ATP1A2: variants seen among roughly 807,000 people sequenced by gnomAD.
ATP1A2 encodes the protein ATPase Na+/K+ transporting subunit alpha 2.
Under a neutral mutation model 113.1 loss-of-function variants are expected in ATP1A2, and 56 were observed. The ratio of observed to expected loss-of-function variants is 0.49; its 90% CI spans 0.40 to 0.62. The LOEUF (loss-of-function observed/expected upper bound fraction) is 0.62, where lower values mean the gene tolerates loss of function less well. Among genes scored for constraint, ATP1A2 ranks in the 20% least tolerant of loss-of-function variants. ATP1A2 has a pLI of 0.00. For synonymous variants in ATP1A2, 490 were observed against 526.8 expected (o/e 0.93, Z 0.96); for missense variants, 712 against 1,357.8 (o/e 0.52, Z 7.47).
chr1:160,130,404 C>T lies in ATP1A2; in HGVS notation c.1652-18C>T. ...AGCCACTCTGCGGATCTCACTGATC[C>T]CTTCTGCCCCCCTTTAGGATTCTGT... On this transcript the variant is annotated intron_variant, in intron 12 of 22. Transcript: ENST00000361216. 1 of 1,614,214 alleles carries T rather than the reference C, an allele frequency of 6.2e-7. No homozygotes were observed. The highest frequency in any genetic ancestry group is 8.5e-7 in the Non-Finnish European group (1 of 1,180,034).
intron 1 of ATP1A2, 132 bp from the exon 2 acceptor site, chr1:160,120,774 C>T (rs1460597161): frequency 1.1e-6 from 1 of 891,038 alleles, no homozygotes; most frequent in Non-Finnish European, 1.8e-6. Flanking sequence ...CCTCCATCCC[C>T]CCTATCTCCC....
In ATP1A2 at chr1:160,130,500, C is replaced by T. The variant is rs747886840; in HGVS notation, c.1730C>T (p.Thr577Met). The T allele has an allele frequency of 2.0e-5, 33 of 1,614,250 alleles. No homozygotes were observed. Among genetic ancestry groups the T allele is most frequent in the Middle Eastern group, 3.3e-4 (2 of 6,062 alleles). Residue 577 changes from threonine to methionine, a missense_variant, in exon 13 of 23, where the codon ACG becomes ATG. Thr to Met is a moderately conservative substitution (Grantham distance 81). Coordinates refer to ENST00000361216, the MANE Select transcript of ATP1A2 (RefSeq NM_000702.4). ...KFDTDELNFP[T>M]EKLCFVGLMS... Reference sequence around the variant, plus strand: ...GACACGGATGAGCTGAACTTTCCCACGGAGAAGCTTTGCTTTGTGGGGCTC... The same window carrying T: ...GACACGGATGAGCTGAACTTTCCCATGGAGAAGCTTTGCTTTGTGGGGCTC...
Position 160,130,002 on chromosome 1 carries a change from G to T in ATP1A2, c.1462-100G>T, listed in dbSNP as rs1319266010. 5.6e-6 allele frequency: 8 copies of T among 1,432,006 alleles called. No homozygotes were observed. In the East Asian group the frequency reaches 1.8e-4, roughly 33 times the overall value. The allele number at this position is 1,432,006 out of a possible 1,614,324, so 88.7% of individuals were successfully genotyped here. A position where few individuals can be genotyped will look rare whatever the true frequency, so the allele number is the denominator to read the frequency against. The stretch of plus-strand genomic sequence containing the variant: ...CTTTGTTGACAATCTTTGATGGGTT[G>T]GGGCTACTTTTCTAAGGTGGTTTCC... On this transcript the variant is annotated intron_variant, in intron 11 of 22. Coordinates refer to ENST00000361216, the MANE Select transcript of ATP1A2 (RefSeq NM_000702.4).
Position 160,136,942 on chromosome 1 carries a change from G to T in ATP1A2, c.2751G>T (p.Thr917=). 1 of 1,614,136 alleles carries T rather than the reference G, an allele frequency of 6.2e-7. No individual in the cohort carries two copies. Among genetic ancestry groups the T allele is most frequent in the South Asian group, 1.1e-5 (1 of 91,076 alleles). ...AGGTGGTGGAGTTCACGTGCCACAC[G>T]GCATTCTTTGCCAGCATCGTGGTGG... The part of the protein sequence containing the change: ...QRKVVEFTCH[T]AFFASIVVVQ... The change falls in exon 20 of 23, where the codon ACG becomes ACT. Residue 917 remains threonine, a synonymous_variant. Coordinates refer to ENST00000361216, the MANE Select transcript of ATP1A2 (RefSeq NM_000702.4).
intron 1 of ATP1A2, among the ~76,000 whole-genome samples, chr1:160,118,539 C>A (rs180828480): frequency 1.3e-5 from 2 of 152,316 alleles, no homozygotes; most frequent in Admixed American, 1.3e-4. Flanking sequence ...ACTCACAAGC[C>A]TTTCCCCACC....
chr1:160,123,898 G>A (rs764809133), intron 4 of ATP1A2, 45 bp from the exon 5 acceptor site: 5 of 1,581,000 alleles, frequency 3.2e-6, no homozygotes, highest in Non-Finnish European at 4.3e-6. Flanking sequence ...GCCCCTTTAG[G>A]GTTGGGGGGA....
Position 160,136,904 on chromosome 1 carries a change from T to C in ATP1A2, c.2713T>C (p.Tyr905His). 1.2e-6 allele frequency: 2 copies of C among 1,614,150 alleles called. No homozygotes were observed. Among genetic ancestry groups the C allele is most frequent in the South Asian group, 1.1e-5 (1 of 91,074 alleles). Reference sequence around the variant, plus strand: ...TCTCTGCCCACCCTCCCTCCAGACCTATGAGCAGCGGAAGGTGGTGGAGTT... The same window carrying C: ...TCTCTGCCCACCCTCCCTCCAGACCCATGAGCAGCGGAAGGTGGTGGAGTT... ...LEDSYGQEWT[Y>H]EQRKVVEFTC... The change falls in exon 20 of 23, where the codon TAT becomes CAT. Residue 905 changes from tyrosine (Y) to histidine (H), a missense_variant. By Grantham distance (83) the Tyr-to-His change is moderately conservative (BLOSUM62 2). Coordinates refer to ENST00000361216, the MANE Select transcript of ATP1A2 (RefSeq NM_000702.4).
At chr1:160,122,174 C>T (rs955622133) in intron 3 of ATP1A2, among the ~76,000 whole-genome samples, 1 of 152,166 alleles carries the variant, frequency 6.6e-6, no homozygotes, top group Admixed American at 6.5e-5. Flanking sequence ...GGGTGTATAT[C>T]TCCTTTATGG....
intron 3 of ATP1A2, among the ~76,000 whole-genome samples, chr1:160,122,420 G>GAAAAAAAAA (rs112709297): frequency 1.5e-5 from 2 of 137,134 alleles, no homozygotes. Context: ...ATGAATGAAT[G>GAAAAAAAAA]AAAAAAAAAA....
chr1:160,125,446 G>A, intron 7 of ATP1A2, 193 bp downstream of exon 7: 1 of 603,904 alleles, frequency 1.7e-6, no homozygotes, highest in Non-Finnish European at 3.0e-6. Flanking sequence ...CTGACTCCAT[G>A]GGAAATGTAT....
chr1:160,117,822 TG>T (rs1169178089), intron 1 of ATP1A2, among the ~76,000 whole-genome samples: 10 of 151,942 alleles, frequency 6.6e-5, no homozygotes, highest in African/African-American at 2.4e-4. Flanking sequence ...GAGGCTGAGA[TG>T]GGGGGAGCGT....
At chr1:160,119,740 A>C (rs1651319166) in intron 1 of ATP1A2, among the ~76,000 whole-genome samples, 1 of 151,754 alleles carries the variant, frequency 6.6e-6, no homozygotes, top group Non-Finnish European at 1.5e-5. Flanking sequence ...GCTCAGGCGC[A>C]GTGGCTCACA....
chr1:160,140,846 C>CCTTTTTTTTTTTTTTTTTTTT (rs1652123649), intron 22 of ATP1A2: 1 of 86,904 alleles, frequency 1.2e-5, no homozygotes, highest in African/African-American at 5.5e-5. Context: ...CTTTCACCTT[C>CCTTTTTTTTTTTTTTTTTTTT]TTTTTTTTTT....
intron 1 of ATP1A2, 133 bp from the exon 2 acceptor site, chr1:160,120,773 C>T: frequency 3.4e-6 from 3 of 882,102 alleles, no homozygotes; most frequent in Non-Finnish European, 3.6e-6. Context: ...CCCTCCATCC[C>T]CCCTATCTCC....
Position 160,136,961 on chromosome 1 carries a change from G to C in ATP1A2, c.2770G>C (p.Val924Leu), listed in dbSNP as rs373276446. 1.2e-6 allele frequency: 2 copies of C among 1,614,002 alleles called. No individual in the cohort carries two copies. The highest frequency in any genetic ancestry group is 4.5e-5 in the East Asian group (2 of 44,874). ...TCHTAFFASI[V>L]VVQWADLIIC... Reference sequence around the variant, plus strand: ...CCACACGGCATTCTTTGCCAGCATCGTGGTGGTGCAGTGGGCTGACCTCAT... The same window carrying C: ...CCACACGGCATTCTTTGCCAGCATCCTGGTGGTGCAGTGGGCTGACCTCAT... Residue 924 changes from valine to leucine, a missense_variant, in exon 20 of 23, where the codon GTG becomes CTG. Around this residue, in one of 6 missense-constraint regions of ATP1A2, gnomAD observed 188 missense variants for 438.9 expected, o/e 0.43. Transcript: ENST00000361216.
chr1:160,130,673 C>T, intron 13 of ATP1A2, 76 bp downstream of exon 13: 2 of 1,600,028 alleles, frequency 1.2e-6, no homozygotes, highest in Non-Finnish European at 8.5e-7. Context: ...GGCTGCTGCC[C>T]TGGAAAGGCC....
chr1:160,119,282 A>AAAAAAAAAAAAC (rs1290348839), intron 1 of ATP1A2, among the ~76,000 whole-genome samples: 1 of 141,350 alleles, frequency 7.1e-6, no homozygotes, highest in Non-Finnish European at 1.6e-5. Context: ...AAAAAAAAAA[A>AAAAAAAAAAAAC]AGCAAACACC....
chr1:160,140,072 A>C, intron 22 of ATP1A2, 88 bp downstream of exon 22: 1 of 1,327,094 alleles, frequency 7.5e-7, no homozygotes, highest in African/African-American at 1.4e-5. Context: ...CACTCCCACT[A>C]CTGGTTCCTG....
intron 11 of ATP1A2, 83 bp from the exon 12 acceptor site, chr1:160,130,019 G>A: frequency 6.4e-7 from 1 of 1,551,072 alleles, no homozygotes; most frequent in South Asian, 1.1e-5. Flanking sequence ...CTTTTCTAAG[G>A]TGGTTTCCTT....
Sources: gnomAD v4.1 joint callset for allele counts (sites outside exome capture counted in the v4.1 genomes callset) on GRCh38, gnomAD v4.1.1 for gene constraint, gnomAD v4.1.1 regional missense constraint, MANE v1.5 for transcripts, NCBI Gene and HGNC (gene_info 2026-07-23, HGNC 2026-07-21) for gene names.